RUNDC3B: variants seen among roughly 807,000 people sequenced by gnomAD.
The protein encoded by RUNDC3B is RUN domain-containing protein 3B.
RUNDC3B carries 33 observed loss-of-function variants against 58.4 expected under a neutral mutation model. The ratio of observed to expected loss-of-function variants is 0.56; its 90% CI spans 0.43 to 0.75. The LOEUF (loss-of-function observed/expected upper bound fraction) is 0.75. Ranked by LOEUF, RUNDC3B falls within the 30% of genes least tolerant of loss-of-function variation. RUNDC3B has a pLI of 0.00. For missense variants in RUNDC3B, 501 were observed against 535.7 expected, an observed-to-expected ratio of 0.94 and a Z score of 0.64; for synonymous variants, 193 against 195.2, an observed-to-expected ratio of 0.99 and a Z score of 0.10.
intron 9 of RUNDC3B, among the ~76,000 whole-genome samples, chr7:87,811,988 G>C (rs898343053): frequency 6.6e-6 from 1 of 152,004 alleles, no homozygotes; most frequent in Non-Finnish European, 1.5e-5. Flanking sequence ...ATTTGTTTTT[G>C]GATAATGCTC....
At chr7:87,690,078 C>T (rs1827872880) in intron 2 of RUNDC3B, among the ~76,000 whole-genome samples, 1 of 151,984 alleles carries the variant, frequency 6.6e-6, no homozygotes, top group East Asian at 1.9e-4. Flanking sequence ...GATCCTTCTG[C>T]TTCCACCTCC....
At chr7:87,674,639 G>A (rs1826144139) in intron 2 of RUNDC3B, among the ~76,000 whole-genome samples, 1 of 152,088 alleles carries the variant, frequency 6.6e-6, no homozygotes, top group African/African-American at 2.4e-5. Flanking sequence ...GGGCTAGCAT[G>A]TATTGGCAGG....
intron 3 of RUNDC3B, among the ~76,000 whole-genome samples, chr7:87,700,866 A>G (rs535692534): frequency 2.2e-4 from 34 of 152,372 alleles, no homozygotes; most frequent in Admixed American, 2.0e-3. Context: ...CAATGCAGAC[A>G]CAATGGTGGA....
Position 87,741,615 on chromosome 7 carries a change from T to C in RUNDC3B, c.629+36T>C, listed in dbSNP as rs771748159. ...TTTTGAGATATGTTTTTTAAAATCTTATTTAAAATTGAATGTCTTGTGCAA... is the reference window on the plus strand; with the variant it reads ...TTTTGAGATATGTTTTTTAAAATCTCATTTAAAATTGAATGTCTTGTGCAA... On this transcript the variant is annotated intron_variant, in intron 6 of 10. Coordinates refer to ENST00000394654, the MANE Select transcript of RUNDC3B (RefSeq NM_001134405.2). 7 of 1,197,332 alleles carry C rather than the reference T, an allele frequency of 5.8e-6. No individual in the cohort carries two copies. In the East Asian group the frequency reaches 1.5e-4, roughly 26 times the overall value. 74.2% of individuals were successfully genotyped at this position (1,197,332 alleles called of 1,614,324 possible).
intron 4 of RUNDC3B, among the ~76,000 whole-genome samples, chr7:87,727,480 A>G (rs2130786916): frequency 6.6e-6 from 1 of 152,250 alleles, no homozygotes; most frequent in East Asian, 1.9e-4. Flanking sequence ...TAATGTTTGT[A>G]TCAATGTTAT....
chr7:87,697,629 G>T (rs1828605896), intron 2 of RUNDC3B, among the ~76,000 whole-genome samples: 1 of 152,164 alleles, frequency 6.6e-6, no homozygotes, highest in South Asian at 2.1e-4. Flanking sequence ...CTTGGTCCCT[G>T]TAACTGCTTG....
chr7:87,657,130 T>C (rs7810499), intron 2 of RUNDC3B, among the ~76,000 whole-genome samples: 7,601 of 152,156 alleles, frequency 0.05, 215 homozygotes, highest in Non-Finnish European at 0.058. Flanking sequence ...AAGAAGACTC[T>C]GAAAGGTAGC....
intron 6 of RUNDC3B, among the ~76,000 whole-genome samples, chr7:87,756,566 T>C (rs562097113): frequency 6.6e-6 from 1 of 152,208 alleles, no homozygotes; most frequent in South Asian, 2.1e-4. Context: ...AGTTATGGCT[T>C]ATTTTACTTA....
chr7:87,660,512 T>C (rs1824585084), intron 2 of RUNDC3B, among the ~76,000 whole-genome samples: 1 of 152,080 alleles, frequency 6.6e-6, no homozygotes, highest in Admixed American at 6.6e-5. Flanking sequence ...AGTTCTTTGT[T>C]TTTATTTTAT....
At chr7:87,644,738 CTACT>C (rs957979872) in intron 1 of RUNDC3B, among the ~76,000 whole-genome samples, 5 of 151,276 alleles carry the variant, frequency 3.3e-5, no homozygotes, top group African/African-American at 1.2e-4. Flanking sequence ...ATTTTTTTTA[CTACT>C]TATTCTCTCT....
At chr7:87,768,844 T>A (rs771357212) in intron 6 of RUNDC3B, among the ~76,000 whole-genome samples, 1 of 152,218 alleles carries the variant, frequency 6.6e-6, no homozygotes, top group Non-Finnish European at 1.5e-5. Context: ...AAATTTGATC[T>A]GCTTTCTGAG....
rs560265972 is a variant in RUNDC3B, at chr7:87,721,452, T to C, written c.458+10797T>C. ...AGAGAACAAAAATAATCAATAATTATGGCAAAGGTACCATAAATAAAATTC... is the reference window on the plus strand; with the variant it reads ...AGAGAACAAAAATAATCAATAATTACGGCAAAGGTACCATAAATAAAATTC... On this transcript the variant is annotated intron_variant, in intron 4 of 10. Coordinates refer to ENST00000394654, the MANE Select transcript of RUNDC3B (RefSeq NM_001134405.2). Among the ~76,000 whole-genome samples, 13 of 152,184 alleles carry C rather than the reference T, an allele frequency of 8.5e-5. 1 individual carries two copies. The highest frequency in any genetic ancestry group is 3.1e-4 in the African/African-American group (13 of 41,564).
intron 3 of RUNDC3B, among the ~76,000 whole-genome samples, chr7:87,710,350 G>A (rs1829965642): frequency 6.8e-6 from 1 of 147,542 alleles, no homozygotes; most frequent in African/African-American, 2.4e-5. Context: ...AGGATAGAAA[G>A]TTAGTTTGAC....
intron 6 of RUNDC3B, among the ~76,000 whole-genome samples, chr7:87,769,887 G>A (rs143579288): frequency 6.6e-6 from 1 of 151,984 alleles, no homozygotes; most frequent in East Asian, 1.9e-4. Context: ...CTTCTAAATT[G>A]GACCATCATC....
intron 2 of RUNDC3B, among the ~76,000 whole-genome samples, chr7:87,664,078 G>T (rs1193374336): frequency 6.6e-6 from 1 of 152,062 alleles, no homozygotes; most frequent in Non-Finnish European, 1.5e-5. Flanking sequence ...ATGTGTTGTA[G>T]CTATTGGCTT....
Position 87,671,199 on chromosome 7 carries a change from C to T in RUNDC3B, c.238+20262C>T, listed in dbSNP as rs567395332. 5.9e-5 allele frequency among the ~76,000 whole-genome samples: 9 copies of T among 152,212 alleles called. No individual in the cohort carries two copies. The South Asian group carries it at 6.2e-4, about 11-fold the overall frequency. On this transcript the variant is annotated intron_variant, in intron 2 of 10. Transcript: ENST00000394654. Reference sequence around the variant, plus strand: ...TGGGGTGTGTGGGACCTGTGGGAGACGTACTGGCCTCCTCTCCTTGGGCTG... The same window carrying T: ...TGGGGTGTGTGGGACCTGTGGGAGATGTACTGGCCTCCTCTCCTTGGGCTG...
chr7:87,653,989 A>G (rs943595983), intron 2 of RUNDC3B, among the ~76,000 whole-genome samples: 1 of 152,064 alleles, frequency 6.6e-6, no homozygotes, highest in Non-Finnish European at 1.5e-5. Flanking sequence ...TATAGCTTAT[A>G]TTTTATTTCT....
At chr7:87,729,398 A>G (rs1831445300) in intron 4 of RUNDC3B, among the ~76,000 whole-genome samples, 1 of 152,242 alleles carries the variant, frequency 6.6e-6, no homozygotes, top group Non-Finnish European at 1.5e-5. Flanking sequence ...GCTGAGTGGT[A>G]TGGAAAGAAA....
At chr7:87,652,806 T>C (rs1348366895) in intron 2 of RUNDC3B, among the ~76,000 whole-genome samples, 2 of 151,878 alleles carry the variant, frequency 1.3e-5, no homozygotes, top group African/African-American at 4.8e-5. Context: ...AGTACACTCT[T>C]CACTTATGAT....
Sources: allele counts gnomAD v4.1 joint callset (sites outside exome capture counted in the v4.1 genomes callset), GRCh38; gene constraint gnomAD v4.1.1; transcripts MANE v1.5; gene names NCBI Gene and HGNC (gene_info 2026-07-23, HGNC 2026-07-21).